The following RBFOX1 variants were observed in gnomAD, a reference collection of about 807,000 sequenced individuals.
RBFOX1 encodes RNA binding protein fox-1 homolog 1.
RBFOX1 carries 8 observed loss-of-function variants against 57.7 expected under a neutral mutation model. The observed-to-expected ratio is 0.14, with a 90% CI of 0.08 to 0.25. The LOEUF is 0.25. Among genes scored for constraint, RBFOX1 ranks in the 10% least tolerant of loss-of-function variants. The pLI is 1.00. For synonymous variants in RBFOX1, 326 were observed against 222.4 expected (o/e 1.47, Z -4.15); for missense variants, 611 against 548.5 (o/e 1.11, Z -1.14).
At chr16:5,319,289 C>T (rs2064333534) in intron 1 of RBFOX1, among the ~76,000 whole-genome samples, 1 of 152,122 alleles carries the variant, frequency 6.6e-6, no homozygotes, top group Non-Finnish European at 1.5e-5. Context: ...TGAGAGTGGT[C>T]CCTGGCTGAT....
chr16:5,901,374 C>T (rs957677391), intron 4 of RBFOX1, among the ~76,000 whole-genome samples: 5 of 152,192 alleles, frequency 3.3e-5, no homozygotes, highest in African/African-American at 1.2e-4. Context: ...GCGATGACTT[C>T]CCAGAGCTGA....
At chr16:7,052,140 T>C in intron 4 of RBFOX1, 42 bp downstream of exon 4, 1 of 1,580,786 alleles carries the variant, frequency 6.3e-7, no homozygotes, top group Non-Finnish European at 8.5e-7. Context: ...ATTCTCATTT[T>C]TGTGTGATAA....
At chr16:6,398,373 G>C (rs1416129697) in intron 2 of RBFOX1, among the ~76,000 whole-genome samples, 2 of 152,072 alleles carry the variant, frequency 1.3e-5, no homozygotes, top group African/African-American at 2.4e-5. Context: ...GTCCCCCAAA[G>C]TCTTAACTTC....
At chr16:6,684,155 C>T (rs1250341054) in intron 3 of RBFOX1, among the ~76,000 whole-genome samples, 1 of 152,016 alleles carries the variant, frequency 6.6e-6, no homozygotes, top group Admixed American at 6.6e-5. Flanking sequence ...TTTTATGGTT[C>T]GACTTTAGGA....
intron 1 of RBFOX1, among the ~76,000 whole-genome samples, chr16:6,040,025 G>C (rs965388788): frequency 5.3e-5 from 8 of 152,224 alleles, no homozygotes; most frequent in African/African-American, 1.7e-4. Context: ...GGGAGAGAGA[G>C]AGAGTCCATG....
At chr16:6,887,554 CAT>C (rs577064200) in intron 3 of RBFOX1, among the ~76,000 whole-genome samples, 16 of 145,088 alleles carry the variant, frequency 1.1e-4, no homozygotes, top group Admixed American at 3.0e-4. Context: ...CACAAAAACA[CAT>C]ATACTTTTTT....
intron 4 of RBFOX1, among the ~76,000 whole-genome samples, chr16:7,139,176 C>CTCTCTCTCTCTCTGTGTGTGTGTGTG (rs372381673): frequency 4.8e-5 from 7 of 145,792 alleles, no homozygotes; most frequent in South Asian, 2.3e-4. Context: ...CAATCTCTCT[C>CTCTCTCTCTCTCTGTGTGTGTGTGTG]TGTGTGTGTG....
chr16:7,346,598 C>G (rs1054809126), intron 4 of RBFOX1, among the ~76,000 whole-genome samples: 2 of 151,828 alleles, frequency 1.3e-5, no homozygotes, highest in Admixed American at 1.3e-4. Flanking sequence ...AGTCTCGTTG[C>G]TGACACATCA....
chr16:5,560,459 T>G (rs1002056364), intron 2 of RBFOX1, among the ~76,000 whole-genome samples: 2 of 152,300 alleles, frequency 1.3e-5, no homozygotes, highest in East Asian at 1.9e-4. Context: ...TACACTGCAC[T>G]GCAATCATCC....
intron 4 of RBFOX1, among the ~76,000 whole-genome samples, chr16:7,327,611 T>G (rs1382100474): frequency 6.6e-6 from 1 of 152,206 alleles, no homozygotes; most frequent in East Asian, 1.9e-4. Context: ...ACTGACAGCT[T>G]CTTTTTAGAT....
chr16:5,286,002 C>T (rs917011647), intron 1 of RBFOX1, among the ~76,000 whole-genome samples: 11 of 152,164 alleles, frequency 7.2e-5, no homozygotes, highest in African/African-American at 2.7e-4. Flanking sequence ...GAACTCCTCA[C>T]CTCGTGATCT....
intron 4 of RBFOX1, among the ~76,000 whole-genome samples, chr16:5,867,552 G>T (rs75236550): frequency 0.028 from 4,235 of 152,170 alleles, 186 homozygotes; most frequent in African/African-American, 0.095. Context: ...TAAAGATGGT[G>T]CAGGGTGACT....
At chr16:5,264,579 A>C (rs943401819) in intron 1 of RBFOX1, among the ~76,000 whole-genome samples, 4 of 152,202 alleles carry the variant, frequency 2.6e-5, no homozygotes, top group African/African-American at 9.7e-5. Flanking sequence ...ATTGTATTAA[A>C]ACATTTTTGT....
intron 4 of RBFOX1, among the ~76,000 whole-genome samples, chr16:7,219,208 A>G (rs1257687390): frequency 1.3e-5 from 2 of 152,202 alleles, no homozygotes; most frequent in Non-Finnish European, 2.9e-5. Flanking sequence ...ATTAATGAAG[A>G]GGCAGGCAGC....
At chr16:6,011,258 G>C (rs2012644) in intron 4 of RBFOX1, among the ~76,000 whole-genome samples, 51,715 of 151,944 alleles carry the variant, frequency 0.34, 11,283 homozygotes, top group African/African-American at 0.63. Flanking sequence ...AACTTTTTTT[G>C]CCTCTTGATA....
At position 6,794,195 on chromosome 16, in the gene RBFOX1, G is replaced by A. The variant is rs36131084; in HGVS notation, c.-16+139545G>A. 1.4e-3 allele frequency among the ~76,000 whole-genome samples: 209 copies of A among 151,906 alleles called. 1 individual carries two copies. Among genetic ancestry groups the A allele is most frequent in the Non-Finnish European group, 2.2e-3 (149 of 67,984 alleles). ...TCACTACCTGGAGAAGTTGATGCGG[G>A]ATTACTGGGAGAAGGCTTGTGACTT... On this transcript the variant is annotated intron_variant, in intron 3 of 15. Coordinates refer to ENST00000550418, the MANE Select transcript of RBFOX1 (RefSeq NM_018723.4).
chr16:5,898,345 A>C (rs2058217594), intron 4 of RBFOX1, among the ~76,000 whole-genome samples: 1 of 152,086 alleles, frequency 6.6e-6, no homozygotes, highest in African/African-American at 2.4e-5. Flanking sequence ...ATCATAGAGC[A>C]AGATCTTAAC....
rs566246180 is a variant in RBFOX1, at chr16:5,950,766, T to A, written c.351+83431T>A. ...GGCTGGGAGCCAGGAGTAAGATGAG[T>A]AAGATGCTTTTTTTTCCCTTGAGGG... On this transcript the variant is annotated intron_variant, in intron 4 of 19. Coordinates refer to the RBFOX1 transcript ENST00000641259. 1.8e-4 allele frequency among the ~76,000 whole-genome samples: 27 copies of A among 152,146 alleles called. No homozygotes were observed. In the East Asian group the frequency reaches 4.1e-3, roughly 23 times the overall value.
intron 1 of RBFOX1, among the ~76,000 whole-genome samples, chr16:5,464,637 C>T (rs531052096): frequency 6.6e-6 from 1 of 152,228 alleles, no homozygotes; most frequent in East Asian, 1.9e-4. Context: ...TGTAGGGCGC[C>T]ACGAGAGGCC....
Sources: allele counts gnomAD v4.1 joint callset (sites outside exome capture counted in the v4.1 genomes callset), GRCh38; gene constraint gnomAD v4.1.1; transcripts MANE v1.5; gene names NCBI Gene and HGNC (gene_info 2026-07-23, HGNC 2026-07-21).